GPC6: variants seen among roughly 807,000 people sequenced by gnomAD.
GPC6 encodes glypican 6, also known as glypican-6.
GPC6 carries 14 observed loss-of-function variants against 55.2 expected under a neutral mutation model. The observed-to-expected ratio is 0.25, with a 90% CI of 0.17 to 0.40. The LOEUF is 0.40. Among genes scored for constraint, GPC6 ranks in the 10% least tolerant of loss-of-function variants. The pLI is 1.00. For synonymous variants in GPC6, 278 were observed against 259.6 expected (o/e 1.07, Z -0.68); for missense variants, 641 against 708.5 (o/e 0.90, Z 1.08).
intron 2 of GPC6, among the ~76,000 whole-genome samples, chr13:93,734,999 T>A (rs1883947295): frequency 6.6e-6 from 1 of 152,146 alleles, no homozygotes; most frequent in African/African-American, 2.4e-5. Context: ...ACCTTATAAC[T>A]TAAGATTAAT....
chr13:93,750,108 G>A (rs945887241), intron 2 of GPC6, among the ~76,000 whole-genome samples: 2 of 152,110 alleles, frequency 1.3e-5, no homozygotes, highest in African/African-American at 4.8e-5. Context: ...GAAATGGTAG[G>A]AAAATATTAG....
chr13:94,233,328 A>C, intron 4 of GPC6, among the ~76,000 whole-genome samples: 1 of 152,180 alleles, frequency 6.6e-6, no homozygotes, highest in East Asian at 1.9e-4. Context: ...ATTGGGAGCC[A>C]TTAATCTTAT....
chr13:93,584,219 G>A (rs1358542108), intron 2 of GPC6, among the ~76,000 whole-genome samples: 1 of 152,164 alleles, frequency 6.6e-6, no homozygotes, highest in African/African-American at 2.4e-5. Flanking sequence ...AGGGTGGTGT[G>A]CTGTGAGGGT....
intron 4 of GPC6, among the ~76,000 whole-genome samples, chr13:94,074,042 A>C (rs1244879209): frequency 6.6e-6 from 1 of 152,186 alleles, no homozygotes; most frequent in Non-Finnish European, 1.5e-5. Flanking sequence ...TTGTTTTAGG[A>C]ATCAGTGTGT....
chr13:93,743,535 A>G (rs1219740914), intron 2 of GPC6, among the ~76,000 whole-genome samples: 3 of 150,308 alleles, frequency 2.0e-5, no homozygotes, highest in South Asian at 2.1e-4. Flanking sequence ...CCTTGTTCCA[A>G]TTTTCTTTGT....
At chr13:93,464,569 T>G (rs1878835195) in intron 1 of GPC6, among the ~76,000 whole-genome samples, 1 of 152,216 alleles carries the variant, frequency 6.6e-6, no homozygotes, top group Non-Finnish European at 1.5e-5. Flanking sequence ...ATTGCAGCAA[T>G]TCAGTCACAT....
chr13:94,135,467 C>T (rs909899030), intron 4 of GPC6, among the ~76,000 whole-genome samples: 10 of 152,150 alleles, frequency 6.6e-5, no homozygotes, highest in African/African-American at 2.2e-4. Flanking sequence ...TTTGCATTTT[C>T]TTTATGGCTC....
At chr13:93,243,580 G>A (rs1876506374) in intron 1 of GPC6, among the ~76,000 whole-genome samples, 1 of 152,178 alleles carries the variant, frequency 6.6e-6, no homozygotes, top group Admixed American at 6.5e-5. Flanking sequence ...CAGCTCTGAT[G>A]GGGGTGGCAG....
intron 5 of GPC6, among the ~76,000 whole-genome samples, chr13:94,304,817 T>C (rs566969691): frequency 4.6e-5 from 7 of 152,332 alleles, no homozygotes; most frequent in African/African-American, 7.2e-5. Context: ...GCAATCTTAA[T>C]TGTGACATGA....
chr13:93,914,211 C>T (rs536057282), intron 3 of GPC6, among the ~76,000 whole-genome samples: 1 of 151,896 alleles, frequency 6.6e-6, no homozygotes, highest in African/African-American at 2.4e-5. Context: ...TGCTATCCCT[C>T]CCCCCTCTCC....
intron 3 of GPC6, among the ~76,000 whole-genome samples, chr13:93,867,507 A>G (rs978257359): frequency 9.9e-5 from 15 of 151,796 alleles, no homozygotes; most frequent in Admixed American, 3.9e-4. Flanking sequence ...GTAAATTAGA[A>G]TGATTATAAA....
intron 1 of GPC6, among the ~76,000 whole-genome samples, chr13:93,238,985 G>A (rs1279902351): frequency 2.0e-5 from 3 of 151,968 alleles, no homozygotes; most frequent in Non-Finnish European, 4.4e-5. Flanking sequence ...TATAGTATTT[G>A]GTTTGCTATG....
intron 1 of GPC6, among the ~76,000 whole-genome samples, chr13:93,350,949 TCA>T (rs1880610594): frequency 6.6e-6 from 1 of 152,020 alleles, no homozygotes; most frequent in Non-Finnish European, 1.5e-5. Flanking sequence ...AGACAAAAAT[TCA>T]CAGAGGCACA....
At chr13:93,219,925 T>G in the GPC6 span, among the ~76,000 whole-genome samples, 1 of 152,182 alleles carries the variant, frequency 6.6e-6, no homozygotes, top group East Asian at 1.9e-4. Flanking sequence ...ATCAAAAAAT[T>G]ATATCTTTCT....
chr13:94,029,326 T>G (rs898697319), intron 4 of GPC6, among the ~76,000 whole-genome samples: 3 of 152,228 alleles, frequency 2.0e-5, no homozygotes, highest in African/African-American at 7.2e-5. Flanking sequence ...AGTTACTTTA[T>G]TTGAAAAATG....
intron 2 of GPC6, among the ~76,000 whole-genome samples, chr13:93,822,577 C>T (rs1275151225): frequency 1.3e-5 from 2 of 151,916 alleles, no homozygotes; most frequent in African/African-American, 2.4e-5. Flanking sequence ...GGTATTTCTC[C>T]TAATGCTATC....
chr13:94,162,172 G>A (rs1888190814), intron 4 of GPC6, among the ~76,000 whole-genome samples: 4 of 152,164 alleles, frequency 2.6e-5, no homozygotes, highest in African/African-American at 9.7e-5. Context: ...AAACTGAGGA[G>A]TCAAGAGAGA....
intron 2 of GPC6, among the ~76,000 whole-genome samples, chr13:93,578,649 T>A (rs950540906): frequency 6.6e-6 from 1 of 151,750 alleles, no homozygotes. Context: ...TTTTGTTTTT[T>A]TTTTCCTGCA....
rs1878115438 is a variant in GPC6 at position 93,449,073 on chromosome 13, C to T, written c.161-96190C>T. Among the ~76,000 whole-genome samples the T allele has an allele frequency of 4.6e-5, 7 of 152,190 alleles. No homozygotes were observed. The South Asian group carries it at 1.4e-3, about 31-fold the overall frequency. Reference sequence around the variant, plus strand: ...ACATTGAATTCTTGAGCCAAATACCCATGACTGAGAGCAGGGATAGATATA... The same window carrying T: ...ACATTGAATTCTTGAGCCAAATACCTATGACTGAGAGCAGGGATAGATATA... On this transcript the variant is annotated intron_variant, in intron 1 of 8. Transcript: ENST00000377047.
Sources: allele counts gnomAD v4.1 joint callset (sites outside exome capture counted in the v4.1 genomes callset), GRCh38; gene constraint gnomAD v4.1.1; transcripts MANE v1.5; gene names NCBI Gene and HGNC (gene_info 2026-07-23, HGNC 2026-07-21).